Variants in CLTCL1 observed in about 807,000 individuals in gnomAD.
CLTCL1 encodes clathrin heavy chain 2.
In CLTCL1, 159 loss-of-function variants were observed where a neutral mutation model predicts 190.0. The observed-to-expected ratio is 0.84, with a 90% CI of 0.74 to 0.95. CLTCL1 has a LOEUF of 0.95. Ranked by LOEUF, CLTCL1 falls within the 40% of genes least tolerant of loss-of-function variation. The probability of loss-of-function intolerance (pLI) is 0.00; values close to 1 mark genes in which losing one functional copy is unlikely to be tolerated. For missense variants in CLTCL1, 1,878 were observed against 2,033.4 expected (o/e 0.92, Z 1.47); for synonymous variants, 752 against 769.6 (o/e 0.98, Z 0.38).
intron 9 of CLTCL1, 50 bp downstream of exon 9, chr22:19,233,116 C>T: frequency 6.4e-7 from 1 of 1,572,486 alleles, no homozygotes; most frequent in Non-Finnish European, 8.7e-7. Flanking sequence ...AGCAACCACT[C>T]AACCACACGT....
chr22:19,270,333 A>C (rs1390401808), intron 2 of CLTCL1, among the ~76,000 whole-genome samples: 1 of 152,132 alleles, frequency 6.6e-6, no homozygotes, highest in African/African-American at 2.4e-5. Context: ...GAATGGTTCT[A>C]AACAGGCATG....
chr22:19,282,507 A>G (rs1468210288), intron 1 of CLTCL1, among the ~76,000 whole-genome samples: 1 of 149,060 alleles, frequency 6.7e-6, no homozygotes, highest in Non-Finnish European at 1.5e-5. Flanking sequence ...GCCTGGTGGC[A>G]TGTGCCTGTA....
rs377562489 is a variant in CLTCL1 at position 19,196,353 on chromosome 22, G to A, written c.4104C>T (p.Tyr1368=). Residue 1368 remains tyrosine, a synonymous_variant, in exon 26 of 33, where the codon TAC becomes TAT. Transcript: ENST00000427926. ...WAELVFLYDK[Y]EEYDNAVLTM... ...TGAGCACAGCATTGTCATACTCCTC[G>A]TACTTGTCATAGAGGAACACCAGCT... is the stretch of plus-strand genomic sequence containing the variant. The A allele has an allele frequency of 7.0e-5, 113 of 1,613,836 alleles. No homozygotes were observed. Among genetic ancestry groups the A allele is most frequent in the Middle Eastern group, 4.9e-4 (3 of 6,084 alleles).
intron 26 of CLTCL1, among the ~76,000 whole-genome samples, chr22:19,194,741 TG>T (rs2084641426): frequency 6.6e-6 from 1 of 152,224 alleles, no homozygotes; most frequent in Non-Finnish European, 1.5e-5. Flanking sequence ...GTGCCCCCCG[TG>T]TGAGTTAGCA....
chr22:19,187,456 G>A, intron 29 of CLTCL1, 102 bp downstream of exon 29: 2 of 1,230,346 alleles, frequency 1.6e-6, no homozygotes, highest in Non-Finnish European at 2.3e-6. Flanking sequence ...GTGAAGCTCA[G>A]AGCCAGGTCT....
chr22:19,184,369 A>T, intron 29 of CLTCL1: 1 of 423,302 alleles, frequency 2.4e-6, no homozygotes, highest in Non-Finnish European at 4.8e-6. Flanking sequence ...CCAGCTCTGC[A>T]TGCCTGCCAT....
intron 11 of CLTCL1, 60 bp downstream of exon 11, chr22:19,229,778 C>A: frequency 6.6e-7 from 1 of 1,505,508 alleles, no homozygotes; most frequent in Non-Finnish European, 8.8e-7. Flanking sequence ...CTCAAGTCTG[C>A]AAACCCAGAG....
chr22:19,281,675 A>C (rs1555986792), intron 1 of CLTCL1, among the ~76,000 whole-genome samples: 1 of 152,208 alleles, frequency 6.6e-6, no homozygotes, highest in African/African-American at 2.4e-5. Flanking sequence ...AGAGCAGTGC[A>C]CTGAAGTGGG....
rs140204913 is a variant in CLTCL1 at position 19,287,512 on chromosome 22, C to T, written c.42+4088G>A. Among the ~76,000 whole-genome samples the T allele has an allele frequency of 1.9e-4, 29 of 152,180 alleles. No individual in the cohort carries two copies. The East Asian group carries it at 3.7e-3, about 19-fold the overall frequency. On this transcript the variant is annotated intron_variant, in intron 1 of 32. Coordinates refer to ENST00000427926, the MANE Select transcript of CLTCL1 (RefSeq NM_007098.4). ...GCACGTGGGGATCAGTCTTTTCATG[C>T]CAGAGGAAACACGAAACCACTCCCT...
chr22:19,193,899 C>T (rs1377414595), intron 26 of CLTCL1, among the ~76,000 whole-genome samples: 1 of 152,198 alleles, frequency 6.6e-6, no homozygotes, highest in Non-Finnish European at 1.5e-5. Flanking sequence ...AATGAGTGAG[C>T]AGCAGCAAGA....
At chr22:19,270,953 T>C (rs753919575) in intron 2 of CLTCL1, among the ~76,000 whole-genome samples, 3 of 151,918 alleles carry the variant, frequency 2.0e-5, no homozygotes, top group Non-Finnish European at 4.4e-5. Context: ...AATGAACATG[T>C]GTTTATGAGG....
chr22:19,186,152 C>T (rs2084308110), intron 29 of CLTCL1, among the ~76,000 whole-genome samples: 1 of 151,986 alleles, frequency 6.6e-6, no homozygotes, highest in African/African-American at 2.4e-5. Flanking sequence ...GGCCCCTGTG[C>T]GGGACAGGAA....
At position 19,221,980 on chromosome 22, in the gene CLTCL1, C is replaced by T; in HGVS notation, c.2532G>A (p.Glu844=). The change falls in exon 16 of 33, where the codon GAG becomes GAA. Residue 844 remains glutamate (E), a synonymous_variant. Transcript: ENST00000427926. ...MAVRGQFSTD[E]LVAEVEKRNR... is the part of the protein sequence containing the mutation. Reference sequence around the variant, plus strand: ...TTCTTTTTTCTACTTCAGCCACCAACTCATCAGTAGAGAACTGTCCTCTCA... The same window carrying T: ...TTCTTTTTTCTACTTCAGCCACCAATTCATCAGTAGAGAACTGTCCTCTCA... 1 of 1,613,982 alleles carries T rather than the reference C, an allele frequency of 6.2e-7. No homozygotes were observed. Among genetic ancestry groups the T allele is most frequent in the Non-Finnish European group, 8.5e-7 (1 of 1,179,886 alleles).
At chr22:19,251,275 C>T (rs779196423) in intron 3 of CLTCL1, among the ~76,000 whole-genome samples, 1 of 151,872 alleles carries the variant, frequency 6.6e-6, no homozygotes, top group Non-Finnish European at 1.5e-5. Context: ...TTGGATTGTT[C>T]GTTGCAAATG....
chr22:19,272,864 G>A (rs149221083), intron 2 of CLTCL1, among the ~76,000 whole-genome samples: 319 of 152,150 alleles, frequency 2.1e-3, no homozygotes, highest in African/African-American at 7.3e-3. Flanking sequence ...CTACAACTTC[G>A]AACTCCTGGG....
chr22:19,213,418 G>A (rs1390122553), intron 19 of CLTCL1, among the ~76,000 whole-genome samples: 2 of 152,142 alleles, frequency 1.3e-5, no homozygotes, highest in Non-Finnish European at 2.9e-5. Context: ...ATAGTGAGGC[G>A]GTTTCTTAAA....
chr22:19,205,091 T>TAA (rs34862446), intron 22 of CLTCL1, among the ~76,000 whole-genome samples: 85 of 149,464 alleles, frequency 5.7e-4, no homozygotes, highest in East Asian at 9.7e-4. Context: ...GATCACTGAT[T>TAA]AAAAAAAAAA....
intron 20 of CLTCL1, 134 bp downstream of exon 20, chr22:19,210,192 A>G (rs12628147): frequency 0.012 from 9,695 of 794,164 alleles, 185 homozygotes; most frequent in East Asian, 0.065. Flanking sequence ...CTGGTGAGGA[A>G]CAGAGAAGAG....
chr22:19,231,525 A>C (rs1336138172), intron 10 of CLTCL1, among the ~76,000 whole-genome samples: 1 of 152,240 alleles, frequency 6.6e-6, no homozygotes, highest in Non-Finnish European at 1.5e-5. Flanking sequence ...CTTGATATCT[A>C]ACTCATATAT....
Sources: allele counts gnomAD v4.1 joint callset (sites outside exome capture counted in the v4.1 genomes callset), GRCh38; gene constraint gnomAD v4.1.1; transcripts MANE v1.5; gene names NCBI Gene and HGNC (gene_info 2026-07-23, HGNC 2026-07-21).